The following CNTNAP2 variants were observed in gnomAD, a reference collection of about 807,000 sequenced individuals.
CNTNAP2 encodes contactin associated protein 2, also known as contactin-associated protein-like 2.
CNTNAP2 carries 98 observed loss-of-function variants against 155.2 expected under a neutral mutation model. That is an observed-to-expected ratio of 0.63 (90% CI 0.54 to 0.75). CNTNAP2 has a LOEUF of 0.75. Among genes scored for constraint, CNTNAP2 ranks in the 30% least tolerant of loss-of-function variants. The probability of loss-of-function intolerance (pLI) is 0.00; values close to 1 mark genes in which losing one functional copy is unlikely to be tolerated. For missense variants in CNTNAP2, 1,727 were observed against 1,688.1 expected, an observed-to-expected ratio of 1.02 and a Z score of -0.40; for synonymous variants, 651 against 631.2, an observed-to-expected ratio of 1.03 and a Z score of -0.47.
chr7:147,009,367 C>A (rs1012188797), intron 3 of CNTNAP2, among the ~76,000 whole-genome samples: 2 of 152,182 alleles, frequency 1.3e-5, no homozygotes, highest in African/African-American at 4.8e-5. Flanking sequence ...AAAAATCAAG[C>A]CATATAATGT....
intron 1 of CNTNAP2, among the ~76,000 whole-genome samples, chr7:146,731,366 A>C (rs1801522715): frequency 6.6e-6 from 1 of 150,940 alleles, no homozygotes; most frequent in Non-Finnish European, 1.5e-5. Context: ...TATTTTATTT[A>C]TTATTTATTA....
rs149846607 is a variant in CNTNAP2 at position 148,030,710 on chromosome 7, G to C, written c.2383+52721G>C. 4.0e-5 allele frequency among the ~76,000 whole-genome samples: 4 copies of C among 100,872 alleles called. No individual in the cohort carries two copies. The East Asian group carries it at 9.1e-4, about 23-fold the overall frequency. 66.2% of individuals were successfully genotyped at this position (100,872 alleles called of 152,430 possible). On this transcript the variant is annotated intron_variant, in intron 15 of 23. Transcript: ENST00000361727. The stretch of plus-strand genomic sequence containing the variant: ...TTGGCAGGTGGTAAAGTTTATTCTT[G>C]TAATTTCTTGAGAAGCGTACAGCAT...
chr7:146,923,629 G>T (rs985251802), intron 3 of CNTNAP2, among the ~76,000 whole-genome samples: 2 of 152,116 alleles, frequency 1.3e-5, no homozygotes, highest in African/African-American at 4.8e-5. Flanking sequence ...TGTTTTACCT[G>T]CTTCCAACAG....
chr7:146,353,087 C>T (rs886875501), intron 1 of CNTNAP2, among the ~76,000 whole-genome samples: 7 of 152,016 alleles, frequency 4.6e-5, no homozygotes, highest in Non-Finnish European at 1.0e-4. Context: ...AACTTTACAA[C>T]GAAACTCTTA....
intron 1 of CNTNAP2, among the ~76,000 whole-genome samples, chr7:146,648,354 G>C (rs1042974322): frequency 2.6e-5 from 4 of 152,086 alleles, no homozygotes; most frequent in Non-Finnish European, 5.9e-5. Flanking sequence ...ATAAGGAAAT[G>C]ACTTTTCTCT....
At chr7:147,075,461 C>A (rs887577557) in intron 4 of CNTNAP2, among the ~76,000 whole-genome samples, 2 of 152,038 alleles carry the variant, frequency 1.3e-5, no homozygotes, top group Admixed American at 1.3e-4. Flanking sequence ...AGCACGAAAG[C>A]TTTATTATAA....
rs1468276582 is a variant in CNTNAP2, at chr7:146,627,582, G to T, written c.98-146689G>T. ...TCTTCAAAAAGCTTTATAGGAAATG[G>T]ACGTAGGTACTATTGAGAGTAGAAT... On this transcript the variant is annotated intron_variant, in intron 1 of 23. Transcript: ENST00000361727. 2.6e-5 allele frequency among the ~76,000 whole-genome samples: 4 copies of T among 152,144 alleles called. No homozygotes were observed. The East Asian group carries it at 7.7e-4, about 29-fold the overall frequency.
chr7:148,211,118 T>G (rs10952735), intron 18 of CNTNAP2, among the ~76,000 whole-genome samples: 64,145 of 151,996 alleles, frequency 0.42, 13,866 homozygotes, highest in Middle Eastern at 0.47. Context: ...AGGTGACTAA[T>G]TAAAAAGCAG....
chr7:147,772,176 A>T (rs146667687), intron 13 of CNTNAP2, among the ~76,000 whole-genome samples: 1,609 of 151,946 alleles, frequency 0.011, 25 homozygotes, highest in African/African-American at 0.037. Context: ...CTGTAATCCC[A>T]GCACTTTGGG....
intron 1 of CNTNAP2, among the ~76,000 whole-genome samples, chr7:146,232,051 G>T (rs114391671): frequency 0.014 from 2,139 of 151,900 alleles, 48 homozygotes; most frequent in African/African-American, 0.047. Flanking sequence ...AACTATAAAA[G>T]AGGCTGGCTG....
At chr7:148,063,909 A>C (rs1006962151) in intron 15 of CNTNAP2, among the ~76,000 whole-genome samples, 3 of 152,102 alleles carry the variant, frequency 2.0e-5, no homozygotes, top group Non-Finnish European at 4.4e-5. Context: ...TTTTTATATA[A>C]GGTGAGAGAT....
intron 4 of CNTNAP2, among the ~76,000 whole-genome samples, chr7:147,091,329 G>A (rs1204731295): frequency 6.6e-6 from 1 of 151,946 alleles, no homozygotes; most frequent in African/African-American, 2.4e-5. Flanking sequence ...TGAGAAAGCT[G>A]GCATCACTTT....
chr7:146,644,695 A>G (rs1020281432), intron 1 of CNTNAP2, among the ~76,000 whole-genome samples: 3 of 152,184 alleles, frequency 2.0e-5, no homozygotes, highest in South Asian at 2.1e-4. Context: ...AGAGAATACT[A>G]CAAACACCTC....
At chr7:148,006,233 A>T (rs1312005339) in intron 15 of CNTNAP2, among the ~76,000 whole-genome samples, 2 of 152,132 alleles carry the variant, frequency 1.3e-5, no homozygotes, top group Non-Finnish European at 2.9e-5. Context: ...GTAGCGAAAT[A>T]GAGAATATGA....
At chr7:147,286,025 C>A (rs1015533705) in intron 8 of CNTNAP2, among the ~76,000 whole-genome samples, 2 of 152,016 alleles carry the variant, frequency 1.3e-5, no homozygotes, top group Non-Finnish European at 2.9e-5. Flanking sequence ...AAGCTATTTA[C>A]ATATCATTAG....
intron 15 of CNTNAP2, among the ~76,000 whole-genome samples, chr7:148,080,723 T>C (rs1265679274): frequency 6.6e-6 from 1 of 152,114 alleles, no homozygotes. Context: ...ACCTTCACTA[T>C]GCAATGCATA....
chr7:148,093,397 T>A (rs1318413385), intron 15 of CNTNAP2, among the ~76,000 whole-genome samples: 1 of 152,228 alleles, frequency 6.6e-6, no homozygotes, highest in East Asian at 1.9e-4. Context: ...GTAGAAACCT[T>A]CTCTGATATG....
At chr7:146,748,328 T>G (rs1375272835) in intron 1 of CNTNAP2, among the ~76,000 whole-genome samples, 1 of 151,720 alleles carries the variant, frequency 6.6e-6, no homozygotes, top group Non-Finnish European at 1.5e-5. Flanking sequence ...TGTATTTTTG[T>G]TAGAGACGGG....
chr7:146,316,177 T>C (rs1050626534), intron 1 of CNTNAP2, among the ~76,000 whole-genome samples: 2 of 152,136 alleles, frequency 1.3e-5, no homozygotes, highest in Non-Finnish European at 2.9e-5. Context: ...AATGATAATG[T>C]ATTTTGAAAG....
Sources: gnomAD v4.1 joint callset for allele counts (sites outside exome capture counted in the v4.1 genomes callset) on GRCh38, gnomAD v4.1.1 for gene constraint, MANE v1.5 for transcripts, NCBI Gene and HGNC (gene_info 2026-07-23, HGNC 2026-07-21) for gene names.